The following DHX32 variants were observed in gnomAD, a reference collection of about 807,000 sequenced individuals.
DHX32 encodes DEAH-box helicase 32 (putative).
DHX32 carries 51 observed loss-of-function variants against 70.0 expected under a neutral mutation model. The observed-to-expected ratio is 0.73, with a 90% CI of 0.58 to 0.92. The LOEUF is 0.92. Among genes scored for constraint, DHX32 ranks in the 40% least tolerant of loss-of-function variants. The pLI, the probability that DHX32 is intolerant of heterozygous loss-of-function variation, is 0.00. For missense variants in DHX32, 762 were observed against 891.8 expected, an observed-to-expected ratio of 0.85 and a Z score of 1.85; for synonymous variants, 310 against 315.3, an observed-to-expected ratio of 0.98 and a Z score of 0.18.
At chr10:125,851,937 AAAAAG>A (rs796600155) in intron 6 of DHX32, among the ~76,000 whole-genome samples, 3 of 151,364 alleles carry the variant, frequency 2.0e-5, no homozygotes, top group Admixed American at 6.6e-5. Context: ...AAAAAAAAAA[AAAAAG>A]AAAAGAAAAA....
intron 1 of DHX32, 89 bp downstream of exon 1, chr10:125,880,454 T>C: frequency 7.3e-7 from 1 of 1,369,084 alleles, no homozygotes; most frequent in Non-Finnish European, 9.8e-7. Context: ...TTAGACACTA[T>C]TATTAGAACA....
In DHX32 at chr10:125,880,990, C is replaced by T. The variant is rs1328230699; in HGVS notation, c.-166G>A. 1.0e-5 allele frequency: 8 copies of T among 777,436 alleles called. No homozygotes were observed. The East Asian group carries it at 2.1e-4, about 21-fold the overall frequency. 48.2% of individuals were successfully genotyped at this position (777,436 alleles called of 1,614,324 possible). Reference sequence around the variant, plus strand: ...CAAGTTAAATTCCTCAAACCTGCATCTGTTCTCCGTTGCTGTGTTACCCAC... The same window carrying T: ...CAAGTTAAATTCCTCAAACCTGCATTTGTTCTCCGTTGCTGTGTTACCCAC... On this transcript the variant is annotated 5_prime_UTR_variant, in exon 1 of 11. Transcript: ENST00000284690.
In DHX32 at chr10:125,840,787, T is replaced by C. The variant is rs1217744976; in HGVS notation, c.1693+60A>G. 6 of 1,503,280 alleles carry C rather than the reference T, an allele frequency of 4.0e-6. No individual in the cohort carries two copies. In the Admixed American group the frequency reaches 1.3e-4, roughly 32 times the overall value. The allele number at this position is 1,503,280 out of a possible 1,614,324, so 93.1% of individuals were successfully genotyped here. A position where few individuals can be genotyped will look rare whatever the true frequency, so the allele number is the denominator to read the frequency against. ...TGTTTGATGAATAACTAATAAGGAC[T>C]CAGACTTATCTAGGGAAAGGAAGGT... On this transcript the variant is annotated intron_variant, in intron 8 of 10. Transcript: ENST00000284690.
chr10:125,861,686 G>A (rs1453278400), intron 2 of DHX32, among the ~76,000 whole-genome samples: 5 of 152,170 alleles, frequency 3.3e-5, no homozygotes, highest in Non-Finnish European at 5.9e-5. Context: ...CACGAGCTGT[G>A]AATGAAGTGC....
chr10:125,884,789 G>A (rs928552147), upstream of DHX32, among the ~76,000 whole-genome samples: 2 of 147,622 alleles, frequency 1.4e-5, no homozygotes, highest in Admixed American at 6.8e-5. Flanking sequence ...TCTTTTGTGT[G>A]TTTTTTTTTT....
At chr10:125,853,940 A>G (rs1944123619) in intron 4 of DHX32, 21 bp downstream of exon 4, 1 of 1,610,414 alleles carries the variant, frequency 6.2e-7, no homozygotes, top group Non-Finnish European at 8.5e-7. Flanking sequence ...CAGTCTGTTT[A>G]GCCTACTCAA....
At chr10:125,872,821 G>A (rs376852388) in intron 1 of DHX32, among the ~76,000 whole-genome samples, 232 of 152,246 alleles carry the variant, frequency 1.5e-3, no homozygotes, top group Admixed American at 2.6e-3. Context: ...GCCTCTTACC[G>A]CCTACCTGAA....
rs1226188514 is a variant in DHX32, at chr10:125,838,387, T to C, written c.1882A>G (p.Ile628Val). The C allele has an allele frequency of 6.4e-7, 1 of 1,562,424 alleles. No homozygotes were observed. Among genetic ancestry groups the C allele is most frequent in the East Asian group, 2.3e-5 (1 of 44,050 alleles). Residue 628 changes from isoleucine to valine, a missense_variant and splice_region_variant, in exon 10 of 11, where the codon ATT (isoleucine) becomes GTT (valine). Ile to Val is a conservative substitution (Grantham distance 29, BLOSUM62 3). Transcript: ENST00000284690. ...KALLSGYFMQ[I>V]ARDVDGSGNY... is the part of the protein sequence containing the mutation. ...CCTGATCCATCAACATCCCGAGCAATCTGAAAGGCAGAATTTTAAAGAAAA... is the reference window on the plus strand; with the variant it reads ...CCTGATCCATCAACATCCCGAGCAACCTGAAAGGCAGAATTTTAAAGAAAA...
chr10:125,872,089 C>T (rs919105579), intron 1 of DHX32, among the ~76,000 whole-genome samples: 1 of 152,032 alleles, frequency 6.6e-6, no homozygotes, highest in Non-Finnish European at 1.5e-5. Flanking sequence ...CTCCAATTCC[C>T]AACCTCAGGT....
intron 1 of DHX32, among the ~76,000 whole-genome samples, chr10:125,873,930 T>C (rs1412292721): frequency 2.0e-5 from 3 of 152,234 alleles, no homozygotes; most frequent in Non-Finnish European, 4.4e-5. Context: ...TAATTCTTTT[T>C]CATATCTTTT....
At chr10:125,858,528 CAGA>C (rs1461705168) in intron 3 of DHX32, among the ~76,000 whole-genome samples, 2 of 152,132 alleles carry the variant, frequency 1.3e-5, no homozygotes, top group South Asian at 2.1e-4. Context: ...TTCCCAAAGC[CAGA>C]AGGAGCTGTC....
chr10:125,853,378 G>A (rs1048187640), intron 4 of DHX32: 16 of 478,198 alleles, frequency 3.3e-5, no homozygotes, highest in East Asian at 3.2e-4. Flanking sequence ...AAGTCTCAGT[G>A]TCTTTCAGAG....
chr10:125,856,524 T>A (rs980951749), intron 3 of DHX32, among the ~76,000 whole-genome samples: 1 of 152,204 alleles, frequency 6.6e-6, no homozygotes, highest in African/African-American at 2.4e-5. Flanking sequence ...ATCACAGAGA[T>A]TAATTCACAG....
intron 1 of DHX32, 65 bp downstream of exon 1, chr10:125,880,478 T>C: frequency 1.3e-6 from 2 of 1,486,898 alleles, no homozygotes; most frequent in South Asian, 1.4e-5. Context: ...GGCTGTGACA[T>C]GTCATTAAAT....
At chr10:125,858,196 C>T (rs560243550) in intron 3 of DHX32, among the ~76,000 whole-genome samples, 4 of 152,224 alleles carry the variant, frequency 2.6e-5, no homozygotes, top group East Asian at 1.9e-4. Context: ...CCACAGTGCC[C>T]GGCCTACGTC....
At chr10:125,894,286 C>A (rs1446775865) in intron 1 of DHX32, among the ~76,000 whole-genome samples, 1 of 152,194 alleles carries the variant, frequency 6.6e-6, no homozygotes, top group East Asian at 1.9e-4. Flanking sequence ...AAAGTGTATC[C>A]CTATATCCAA....
At chr10:125,888,137 T>C (rs1390993139) in intron 1 of DHX32, among the ~76,000 whole-genome samples, 3 of 152,286 alleles carry the variant, frequency 2.0e-5, no homozygotes, top group Non-Finnish European at 2.9e-5. Flanking sequence ...ACGCCTTGCC[T>C]TTTAAAAATT....
intron 8 of DHX32, among the ~76,000 whole-genome samples, chr10:125,840,298 GGCTTT>G (rs1854835681): frequency 6.6e-6 from 1 of 152,178 alleles, no homozygotes. Flanking sequence ...AGGACTTTGT[GGCTTT>G]GCTTTGACAT....
At chr10:125,893,669 T>C (rs1370599292) in intron 1 of DHX32, among the ~76,000 whole-genome samples, 1 of 152,144 alleles carries the variant, frequency 6.6e-6, no homozygotes, top group Admixed American at 6.5e-5. Context: ...TAGAAATTGA[T>C]TGTTTTCCAC....
Sources: gnomAD v4.1 joint callset for allele counts (sites outside exome capture counted in the v4.1 genomes callset) on GRCh38, gnomAD v4.1.1 for gene constraint, MANE v1.5 for transcripts, NCBI Gene and HGNC (gene_info 2026-07-23, HGNC 2026-07-21) for gene names.